The following LYST variants were observed in gnomAD, a reference collection of about 807,000 sequenced individuals.
The protein encoded by LYST is lysosomal trafficking regulator.
A neutral mutation model predicts 413.6 loss-of-function variants in LYST; 192 were observed. That is an observed-to-expected ratio of 0.46 (90% CI 0.41 to 0.52). The LOEUF (loss-of-function observed/expected upper bound fraction) is 0.52, where lower values mean the gene tolerates loss of function less well. LYST is among the 20% of genes least tolerant of loss of function. The pLI is 0.00. For synonymous variants in LYST, 1,525 were observed against 1,567.3 expected (o/e 0.97, Z 0.64); for missense variants, 3,815 against 4,499.9 (o/e 0.85, Z 4.35).
intron 31 of LYST, among the ~76,000 whole-genome samples, chr1:235,740,460 A>G (rs1665264235): frequency 6.6e-6 from 1 of 152,076 alleles, no homozygotes; most frequent in South Asian, 2.1e-4. Context: ...ACTGTCCTGA[A>G]TTCTATCGTC....
chr1:235,685,649 C>T (rs535684506), intron 48 of LYST, among the ~76,000 whole-genome samples: 3 of 152,060 alleles, frequency 2.0e-5, no homozygotes, highest in African/African-American at 7.2e-5. Flanking sequence ...AGCTCGAGAC[C>T]AGTCTGACCA....
At position 235,733,632 on chromosome 1, in the gene LYST, G is replaced by T; in HGVS notation, c.8672C>A (p.Thr2891Asn). The part of the protein sequence containing the change: ...KDISKIAADI[T>N]QAVSLSQGNE... ...TCCTTGGGAGAGAGACACTGCCTGG[G>T]TGATATCTGCAGCTATTTTAGATAT... Residue 2891 changes from threonine (T) to asparagine (N), a missense_variant, in exon 34 of 53, where the codon ACC (threonine) becomes AAC (asparagine). By Grantham distance (65) the Thr-to-Asn change is moderately conservative. Around this residue, in one of 4 missense-constraint regions of LYST, gnomAD observed 866 missense variants for 1,156.0 expected, o/e 0.75. Transcript: ENST00000389793. 1 of 1,613,654 alleles carries T rather than the reference G, an allele frequency of 6.2e-7. No homozygotes were observed.
At chr1:235,766,016 C>T in intron 21 of LYST, 63 bp downstream of exon 21, 1 of 1,205,104 alleles carries the variant, frequency 8.3e-7, no homozygotes, top group Non-Finnish European at 1.2e-6. Context: ...AAATGTGAAT[C>T]AAGTGGGAAG....
chr1:235,777,575 T>C (rs1669401336), intron 16 of LYST, among the ~76,000 whole-genome samples: 1 of 152,242 alleles, frequency 6.6e-6, no homozygotes, highest in Admixed American at 6.5e-5. Context: ...TTAGAATATA[T>C]ATTAAGTTAT....
rs759350175 is a variant in LYST at position 235,791,964 on chromosome 1, C to G, written c.4278G>C (p.Leu1426Phe). 2 of 1,614,086 alleles carry G rather than the reference C, an allele frequency of 1.2e-6. No individual in the cohort carries two copies. Among genetic ancestry groups the G allele is most frequent in the South Asian group, 2.2e-5 (2 of 91,070 alleles). Reference protein sequence around the residue: ...GILNSKAMGLLRRARVSRSKK... With the variant: ...GILNSKAMGLFRRARVSRSKK... ...TGCTCCGTGAAACTCGTGCTCTTCT[C>G]AATAAACCCATGGCCTTACTGTTTA... The change falls in exon 12 of 53, where the codon TTG becomes TTC. Residue 1426 changes from leucine to phenylalanine, a missense_variant. Leu to Phe is a conservative substitution (Grantham distance 22). Coordinates refer to ENST00000389793, the MANE Select transcript of LYST (RefSeq NM_000081.4).
intron 13 of LYST, among the ~76,000 whole-genome samples, chr1:235,788,342 G>GT (rs896552826): frequency 1.6e-4 from 25 of 151,568 alleles, no homozygotes; most frequent in African/African-American, 5.8e-4. Context: ...GTGGTTTTTT[G>GT]TTTTTTTGTT....
In LYST at chr1:235,800,870, C is replaced by A. The variant is rs1444894452; in HGVS notation, c.3939+1G>T. On this transcript the variant is annotated splice_donor_variant, in intron 9 of 52. Coordinates refer to ENST00000389793, the MANE Select transcript of LYST (RefSeq NM_000081.4). LOFTEE classifies it high-confidence loss of function. ...CACATTTAACTAAATGAATTTTTTACCTGTTGCATGAGCAGAAAAACATTC... is the reference window on the plus strand; with the variant it reads ...CACATTTAACTAAATGAATTTTTTAACTGTTGCATGAGCAGAAAAACATTC... 6.3e-7 allele frequency: 1 copy of A among 1,592,454 alleles called. No individual in the cohort carries two copies. The highest frequency in any genetic ancestry group is 8.6e-7 in the Non-Finnish European group (1 of 1,161,262).
Position 235,662,794 on chromosome 1 carries a change from A to G in LYST, c.*146T>C. On this transcript the variant is annotated 3_prime_UTR_variant, in exon 53 of 53. Coordinates refer to ENST00000389793, the MANE Select transcript of LYST (RefSeq NM_000081.4). ...TCTTAGGATCATGTGACTCTTCAGA[A>G]TTTTGTGCAGATGAATAGACTTTAT... 1 of 757,066 alleles carries G rather than the reference A, an allele frequency of 1.3e-6. No individual in the cohort carries two copies. The highest frequency in any genetic ancestry group is 2.4e-6 in the Non-Finnish European group (1 of 411,292). 46.9% of individuals were successfully genotyped at this position (757,066 alleles called of 1,614,324 possible). A position where few individuals can be genotyped will look rare whatever the true frequency, so the allele number is the denominator to read the frequency against.
At position 235,793,104 on chromosome 1, in the gene LYST, C is replaced by T. The variant is rs896805122; in HGVS notation, c.4116+399G>A. Among the ~76,000 whole-genome samples the T allele has an allele frequency of 7.9e-5, 12 of 152,208 alleles. 1 individual carries two copies. Among genetic ancestry groups the T allele is most frequent in the Admixed American group, 6.5e-4 (10 of 15,288 alleles). ...ATAGTTTAAAAGACACTAAGCCACA[C>T]CAATGGAAAGGGGAAGCATAGACAA... On this transcript the variant is annotated intron_variant, in intron 11 of 52. Transcript: ENST00000389793.
intron 1 of LYST, among the ~76,000 whole-genome samples, chr1:235,852,824 G>A (rs1033713563): frequency 6.6e-6 from 1 of 152,168 alleles, no homozygotes; most frequent in Non-Finnish European, 1.5e-5. Flanking sequence ...AACTAAGGCA[G>A]ACAGCAGTTA....
intron 44 of LYST, among the ~76,000 whole-genome samples, chr1:235,705,254 A>G (rs976316486): frequency 6.6e-6 from 1 of 152,190 alleles, no homozygotes; most frequent in Non-Finnish European, 1.5e-5. Context: ...GCCCCATTAA[A>G]TAAGTTTTAT....
intron 44 of LYST, among the ~76,000 whole-genome samples, chr1:235,704,854 C>A (rs1028704502): frequency 5.3e-5 from 8 of 152,094 alleles, no homozygotes; most frequent in Non-Finnish European, 1.2e-4. Context: ...CTCAAAAAAT[C>A]AAATAAGGAT....
At chr1:235,699,398 C>G (rs1661368986) in intron 45 of LYST, among the ~76,000 whole-genome samples, 1 of 152,132 alleles carries the variant, frequency 6.6e-6, no homozygotes, top group African/African-American at 2.4e-5. Context: ...TCATCCATGT[C>G]CCTGCAAATG....
rs995719746 is a variant in LYST at position 235,800,268 on chromosome 1, C to T, written c.4006+52G>A. On this transcript the variant is annotated intron_variant, in intron 10 of 52. Coordinates refer to ENST00000389793, the MANE Select transcript of LYST (RefSeq NM_000081.4). The stretch of plus-strand genomic sequence containing the variant: ...CCTGGCCAGAAGCCATTATTATCAA[C>T]TTTTCACATAAAATAATTTCAGAGC... 1.4e-5 allele frequency: 17 copies of T among 1,223,928 alleles called. No individual in the cohort carries two copies. The African/African-American group carries it at 2.5e-4, about 18-fold the overall frequency. The allele number at this position is 1,223,928 out of a possible 1,614,324, so 75.8% of individuals were successfully genotyped here.
intron 16 of LYST, among the ~76,000 whole-genome samples, chr1:235,779,500 C>G (rs1359628203): frequency 2.6e-5 from 4 of 152,306 alleles, no homozygotes; most frequent in Admixed American, 6.5e-5. Flanking sequence ...TCAGCATCAC[C>G]TAGGAACTTC....
At chr1:235,774,720 A>G (rs1223183019) in intron 18 of LYST, among the ~76,000 whole-genome samples, 193 bp downstream of exon 18, 3 of 152,202 alleles carry the variant, frequency 2.0e-5, no homozygotes, top group South Asian at 4.1e-4. Flanking sequence ...TGCTTTAAAG[A>G]AAAGAAAAAT....
At chr1:235,738,899 T>C (rs1665073095) in intron 31 of LYST, 1 of 738,240 alleles carries the variant, frequency 1.4e-6, no homozygotes, top group South Asian at 1.4e-5. Context: ...TCTCAGACCG[T>C]GTGAAGGTGA....
chr1:235,696,654 T>C (rs568516560), intron 46 of LYST, among the ~76,000 whole-genome samples: 3 of 152,356 alleles, frequency 2.0e-5, no homozygotes, highest in Admixed American at 6.5e-5. Flanking sequence ...CAGAAAAGGA[T>C]TGGTTTTCAG....
chr1:235,779,166 C>T (rs903478455), intron 16 of LYST, among the ~76,000 whole-genome samples: 2 of 152,128 alleles, frequency 1.3e-5, no homozygotes, highest in South Asian at 2.1e-4. Flanking sequence ...CGTGCCTGGC[C>T]GAGGGTACCA....
Sources: allele counts gnomAD v4.1 joint callset (sites outside exome capture counted in the v4.1 genomes callset), GRCh38; gene constraint gnomAD v4.1.1; regional missense constraint gnomAD v4.1.1; transcripts MANE v1.5; gene names NCBI Gene and HGNC (gene_info 2026-07-23, HGNC 2026-07-21).